PSMD14: variants seen among roughly 807,000 people sequenced by gnomAD.
PSMD14 encodes the protein ubiquitin C-terminal hydrolase PSMD14.
PSMD14 carries 7 observed loss-of-function variants against 41.2 expected under a neutral mutation model. The observed-to-expected ratio is 0.17, with a 90% confidence interval of 0.10 to 0.32. The LOEUF (loss-of-function observed/expected upper bound fraction) is 0.32. Ranked by LOEUF, PSMD14 falls within the 10% of genes least tolerant of loss-of-function variation. The pLI is 1.00. For synonymous variants in PSMD14, 114 were observed against 122.3 expected (o/e 0.93, Z 0.45); for missense variants, 139 against 375.6 (o/e 0.37, Z 5.21).
intron 11 of PSMD14, among the ~76,000 whole-genome samples, chr2:161,410,307 G>A (rs551329513): frequency 1.3e-5 from 2 of 151,664 alleles, no homozygotes; most frequent in South Asian, 4.2e-4. Flanking sequence ...GTATCTCTGG[G>A]TTGTTTAAAA....
At chr2:161,382,025 T>G (rs1257517929) in intron 7 of PSMD14, 1 of 151,814 alleles carries the variant, frequency 6.6e-6, no homozygotes, top group African/African-American at 2.4e-5. Context: ...TAAATATGTG[T>G]CTTCTACTTG....
intron 7 of PSMD14, among the ~76,000 whole-genome samples, chr2:161,374,778 C>G (rs1683481084): frequency 6.6e-6 from 1 of 151,970 alleles, no homozygotes; most frequent in African/African-American, 2.4e-5. Context: ...TGTGACTATA[C>G]TTCTTTCTTG....
chr2:161,309,017 C>A (rs1689057812), intron 1 of PSMD14, among the ~76,000 whole-genome samples: 1 of 152,170 alleles, frequency 6.6e-6, no homozygotes, highest in African/African-American at 2.4e-5. Flanking sequence ...TCTTGTCCTT[C>A]CTGTAAGCCT....
intron 7 of PSMD14, among the ~76,000 whole-genome samples, chr2:161,380,603 G>A (rs1683559430): frequency 6.6e-6 from 1 of 151,928 alleles, no homozygotes; most frequent in East Asian, 1.9e-4. Context: ...GAAAGAAAAT[G>A]TACATACACA....
intron 7 of PSMD14, chr2:161,383,606 A>C (rs779841849): frequency 3.3e-5 from 5 of 151,604 alleles, no homozygotes; most frequent in Non-Finnish European, 5.9e-5. Flanking sequence ...CATTCAGTAT[A>C]AAAAAGTATA....
chr2:161,339,912 T>TA (rs1470932773), intron 3 of PSMD14, among the ~76,000 whole-genome samples: 3 of 152,260 alleles, frequency 2.0e-5, no homozygotes, highest in Non-Finnish European at 4.4e-5. Flanking sequence ...CTTACTGCTT[T>TA]AAAAAAATGT....
chr2:161,343,388 T>C (rs1682995044), intron 3 of PSMD14, among the ~76,000 whole-genome samples: 1 of 152,254 alleles, frequency 6.6e-6, no homozygotes, highest in Non-Finnish European at 1.5e-5. Flanking sequence ...TGTGTCAGAA[T>C]TGTATTCCTT....
chr2:161,401,037 T>C (rs62188137), intron 10 of PSMD14, among the ~76,000 whole-genome samples: 10,066 of 152,268 alleles, frequency 0.066, 454 homozygotes, highest in East Asian at 0.15. Flanking sequence ...TTGCTTGATA[T>C]GTACTATAGA....
chr2:161,396,799 A>G lies in PSMD14; in HGVS notation c.771+1596A>G, dbSNP rs191333756. On this transcript the variant is annotated intron_variant, in intron 10 of 11. Coordinates refer to ENST00000409682, the MANE Select transcript of PSMD14 (RefSeq NM_005805.6). The stretch of plus-strand genomic sequence containing the variant: ...GTAATAGCACTTGGGATGTCAGGAT[A>G]AGAGGTTTTTTTGAGGAGTTTTTGT... Among the ~76,000 whole-genome samples the G allele has an allele frequency of 4.3e-4, 66 of 152,186 alleles. 1 individual carries two copies. Among genetic ancestry groups the G allele is most frequent in the Non-Finnish European group, 8.8e-4 (60 of 67,982 alleles).
chr2:161,341,342 G>C (rs930250441), intron 3 of PSMD14: 6 of 1,009,392 alleles, frequency 5.9e-6, no homozygotes, highest in Non-Finnish European at 7.1e-6. Context: ...CGCGGCCGCC[G>C]AGTGCCGGCC....
chr2:161,407,837 T>A (rs564078921), intron 10 of PSMD14: 1 of 152,198 alleles, frequency 6.6e-6, no homozygotes, highest in Non-Finnish European at 1.5e-5. Context: ...TAAATTTTCT[T>A]GTTTTTTTTT....
intron 10 of PSMD14, among the ~76,000 whole-genome samples, chr2:161,398,163 C>G (rs939175260): frequency 6.6e-6 from 1 of 152,040 alleles, no homozygotes; most frequent in African/African-American, 2.4e-5. Context: ...AATGTGTAAG[C>G]TGTGATATGA....
In PSMD14 at chr2:161,341,183, G is replaced by A. The variant is rs868225122; in HGVS notation, c.48+22310G>A. ...ACGGCGCCGGGGCCCCGGTGGCCTC[G>A]GCCGGGGGCGCGGGTTCCGGGGGCG... On this transcript the variant is annotated intron_variant, in intron 3 of 11. Transcript: ENST00000409682. The A allele has an allele frequency of 2.3e-4, 217 of 954,612 alleles. 1 individual carries two copies. In the South Asian group the frequency reaches 9.6e-3, roughly 42 times the overall value. 59.1% of individuals were successfully genotyped at this position (954,612 alleles called of 1,614,324 possible). A position where few individuals can be genotyped will look rare whatever the true frequency, so the allele number is the denominator to read the frequency against.
chr2:161,353,134 A>G (rs1205756322), intron 3 of PSMD14, among the ~76,000 whole-genome samples: 3 of 152,226 alleles, frequency 2.0e-5, no homozygotes, highest in African/African-American at 7.2e-5. Context: ...TACAAATTCT[A>G]TAAACTGAAA....
chr2:161,362,227 G>A (rs1457435253), intron 3 of PSMD14, among the ~76,000 whole-genome samples: 1 of 147,214 alleles, frequency 6.8e-6, no homozygotes, highest in African/African-American at 2.5e-5. Flanking sequence ...TTTTTACAGT[G>A]GTTAAAGTTG....
At chr2:161,385,630 A>G in intron 8 of PSMD14, 59 bp downstream of exon 8, 2 of 1,035,798 alleles carry the variant, frequency 1.9e-6, no homozygotes, top group South Asian at 2.9e-5. Context: ...GCCTGCTATA[A>G]GTAGTCTTTT....
intron 10 of PSMD14, among the ~76,000 whole-genome samples, chr2:161,404,324 G>A (rs187188694): frequency 1.3e-5 from 2 of 152,176 alleles, no homozygotes; most frequent in Admixed American, 6.5e-5. Flanking sequence ...TGCTCAATAA[G>A]TATTTATTAA....
chr2:161,341,869 A>AAAATAT (rs1682967136), intron 3 of PSMD14, among the ~76,000 whole-genome samples: 1 of 137,264 alleles, frequency 7.3e-6, no homozygotes, highest in Non-Finnish European at 1.6e-5. Context: ...AATTAAAAAA[A>AAAATAT]ATATATATGT....
At chr2:161,359,988 T>G (rs1179146359) in intron 3 of PSMD14, among the ~76,000 whole-genome samples, 7 of 152,164 alleles carry the variant, frequency 4.6e-5, no homozygotes, top group Admixed American at 4.6e-4. Context: ...TGATGAATAC[T>G]TAAGTATTAT....
Sources: allele counts gnomAD v4.1 joint callset (sites outside exome capture counted in the v4.1 genomes callset), GRCh38; gene constraint gnomAD v4.1.1; transcripts MANE v1.5; gene names NCBI Gene and HGNC (gene_info 2026-07-23, HGNC 2026-07-21).